CIB4: variants seen among roughly 807,000 people sequenced by gnomAD.
CIB4 encodes the protein calcium and integrin binding family member 4.
A neutral mutation model predicts 25.8 loss-of-function variants in CIB4; 25 were observed. The ratio of observed to expected loss-of-function variants is 0.97; its 90% CI spans 0.71 to 1.35. The LOEUF (loss-of-function observed/expected upper bound fraction) is 1.35, where lower values mean the gene tolerates loss of function less well. Ranked by LOEUF, CIB4 falls within the 40% of genes most tolerant of loss-of-function variation. CIB4 has a pLI of 0.00. For synonymous variants in CIB4, 75 were observed against 81.4 expected (o/e 0.92, Z 0.42); for missense variants, 235 against 228.2 (o/e 1.03, Z -0.19).
chr2:26,617,255 CTG>C (rs1257921945), intron 3 of CIB4, among the ~76,000 whole-genome samples: 1 of 152,028 alleles, frequency 6.6e-6, no homozygotes, highest in Admixed American at 6.6e-5. Flanking sequence ...AGCCAGCCCC[CTG>C]TGTAACAGGA....
At chr2:26,622,255 G>A (rs1421613082) in intron 3 of CIB4, among the ~76,000 whole-genome samples, 1 of 152,112 alleles carries the variant, frequency 6.6e-6, no homozygotes, top group East Asian at 1.9e-4. Context: ...CAGCTACTTG[G>A]GAGGCTGAGG....
At chr2:26,581,952 A>G (rs1024897899) in intron 6 of CIB4, among the ~76,000 whole-genome samples, 3 of 152,180 alleles carry the variant, frequency 2.0e-5, no homozygotes, top group African/African-American at 7.2e-5. Flanking sequence ...GGAGGTATAA[A>G]CTTGACCACT....
chr2:26,593,255 G>A (rs1317190514), intron 4 of CIB4, among the ~76,000 whole-genome samples: 1 of 152,058 alleles, frequency 6.6e-6, no homozygotes, highest in Non-Finnish European at 1.5e-5. Context: ...AATCACATGA[G>A]CCAGTTCCTA....
At chr2:26,613,587 A>G (rs1379494708) in intron 3 of CIB4, among the ~76,000 whole-genome samples, 1 of 151,650 alleles carries the variant, frequency 6.6e-6, no homozygotes, top group Non-Finnish European at 1.5e-5. Context: ...CTTCGTAAAA[A>G]CCCTCTGAAG....
chr2:26,631,891 C>T (rs560332069), intron 2 of CIB4, among the ~76,000 whole-genome samples: 1 of 152,376 alleles, frequency 6.6e-6, no homozygotes, highest in Admixed American at 6.5e-5. Context: ...CAGCCAGCTT[C>T]TGCAGCTCCA....
chr2:26,601,228 AAAAATATATAT>A (rs1316522506), intron 3 of CIB4, among the ~76,000 whole-genome samples: 3,373 of 79,708 alleles, frequency 0.042, 230 homozygotes, highest in Non-Finnish European at 0.047. Context: ...AAAAAAAAAA[AAAAATATATAT>A]ATATATATAT....
intron 2 of CIB4, among the ~76,000 whole-genome samples, chr2:26,635,822 T>C (rs369799298): frequency 3.3e-5 from 5 of 152,212 alleles, no homozygotes; most frequent in East Asian, 3.8e-4. Flanking sequence ...TATGCATGTA[T>C]GAACAGCCCT....
chr2:26,635,004 C>T (rs935175), intron 2 of CIB4, among the ~76,000 whole-genome samples: 63,396 of 152,206 alleles, frequency 0.42, 14,697 homozygotes, highest in Middle Eastern at 0.53. Flanking sequence ...CACATGGGCC[C>T]TCTTTGGGTC....
chr2:26,586,603 G>A (rs1275996), intron 4 of CIB4, among the ~76,000 whole-genome samples: 120,525 of 152,192 alleles, frequency 0.79, 48,705 homozygotes, highest in East Asian at 0.98. Flanking sequence ...CAGAGTAGAC[G>A]CTCAATGGCT....
In CIB4 at chr2:26,595,754, A is replaced by G. The variant is rs562056978; in HGVS notation, c.187-437T>C. The stretch of plus-strand genomic sequence containing the variant: ...GGCAAGCCAACAGGCTCACTGCCCA[A>G]GCGCATAGCCAGCCAGGGAATGAGA... On this transcript the variant is annotated intron_variant, in intron 3 of 6. Transcript: ENST00000288861. Among the ~76,000 whole-genome samples the G allele has an allele frequency of 2.6e-5, 4 of 152,350 alleles. No individual in the cohort carries two copies. In the South Asian group the frequency reaches 8.3e-4, roughly 32 times the overall value.
intron 4 of CIB4, among the ~76,000 whole-genome samples, chr2:26,585,848 C>G (rs1300101245): frequency 6.6e-6 from 1 of 152,056 alleles, no homozygotes; most frequent in Non-Finnish European, 1.5e-5. Context: ...TGTCCAAGCC[C>G]AGGCTCCTCA....
At chr2:26,590,379 G>A (rs1668565253) in intron 4 of CIB4, among the ~76,000 whole-genome samples, 1 of 150,884 alleles carries the variant, frequency 6.6e-6, no homozygotes, top group Admixed American at 6.6e-5. Context: ...TTGCTAAAAT[G>A]CAGATTCAGA....
intron 2 of CIB4, among the ~76,000 whole-genome samples, 155 bp from the exon 3 acceptor site, chr2:26,629,661 G>A (rs1001268188): frequency 2.0e-5 from 3 of 152,174 alleles, no homozygotes; most frequent in African/African-American, 4.8e-5. Flanking sequence ...AGAAAAGGCA[G>A]TAATCAATAA....
chr2:26,635,599 C>T (rs778700735), intron 2 of CIB4, among the ~76,000 whole-genome samples: 24 of 152,196 alleles, frequency 1.6e-4, no homozygotes, highest in Non-Finnish European at 2.4e-4. Flanking sequence ...TCAACTTGGC[C>T]TTGGTAGCCC....
chr2:26,597,417 G>A (rs535500600), intron 3 of CIB4, among the ~76,000 whole-genome samples: 13 of 144,650 alleles, frequency 9.0e-5, no homozygotes, highest in Admixed American at 4.1e-4. Flanking sequence ...GATCAGTTAC[G>A]ACAGCTATTA....
At chr2:26,612,575 A>T (rs1241567457) in intron 3 of CIB4, among the ~76,000 whole-genome samples, 2 of 150,426 alleles carry the variant, frequency 1.3e-5, no homozygotes, top group Non-Finnish European at 2.9e-5. Context: ...GGAGGAAGGG[A>T]CTCAAGAAGT....
chr2:26,594,448 G>A (rs948242594), intron 4 of CIB4, among the ~76,000 whole-genome samples: 1 of 152,220 alleles, frequency 6.6e-6, no homozygotes, highest in African/African-American at 2.4e-5. Flanking sequence ...CCACCATGTG[G>A]AGACTGGGGA....
At chr2:26,582,255 C>T (rs568063859) in intron 6 of CIB4, among the ~76,000 whole-genome samples, 37 of 152,320 alleles carry the variant, frequency 2.4e-4, no homozygotes, top group Admixed American at 6.5e-5. Context: ...CCATGGCACG[C>T]GCTGCCTCCA....
chr2:26,607,931 A>C (rs1015157783), intron 3 of CIB4, among the ~76,000 whole-genome samples: 4 of 152,250 alleles, frequency 2.6e-5, no homozygotes, highest in African/African-American at 9.6e-5. Flanking sequence ...TGAAATCTCC[A>C]GGGGACTCAA....
Sources: allele counts gnomAD v4.1 joint callset (sites outside exome capture counted in the v4.1 genomes callset), GRCh38; gene constraint gnomAD v4.1.1; transcripts MANE v1.5; gene names NCBI Gene and HGNC (gene_info 2026-07-23, HGNC 2026-07-21).